Variants in ZNF175 observed in about 807,000 individuals in gnomAD.
ZNF175 encodes the protein zinc finger protein OTK18.
ZNF175 carries 8 observed loss-of-function variants against 14.0 expected under a neutral mutation model. The ratio of observed to expected loss-of-function variants is 0.57; its 90% CI spans 0.34 to 1.03. ZNF175 has a LOEUF of 1.03. Ranked by LOEUF, ZNF175 falls within the 50% of genes least tolerant of loss-of-function variation. ZNF175 has a pLI of 0.03. For synonymous variants in ZNF175, 255 were observed against 296.8 expected (o/e 0.86, Z 1.45); for missense variants, 764 against 849.5 (o/e 0.90, Z 1.25).
intron 4 of ZNF175, among the ~76,000 whole-genome samples, chr19:51,585,930 A>C (rs1393820245): frequency 6.6e-6 from 1 of 152,194 alleles, no homozygotes; most frequent in African/African-American, 2.4e-5. Flanking sequence ...TATATTCCTA[A>C]GTTCAAGAAA....
At chr19:51,582,572 T>C (rs895790236) in intron 4 of ZNF175, among the ~76,000 whole-genome samples, 3 of 152,132 alleles carry the variant, frequency 2.0e-5, no homozygotes, top group Non-Finnish European at 4.4e-5. Context: ...GCTGGAATTA[T>C]AGGCGTGAGC....
rs1047113603 is a variant in ZNF175, at chr19:51,589,424, G to A, written c.*957G>A. The stretch of plus-strand genomic sequence containing the variant: ...CCCTATTGAATATTTATATAATGAG[G>A]TTGTATCAACAATGATTAACTCCTT... On this transcript the variant is annotated 3_prime_UTR_variant, in exon 5 of 5. Coordinates refer to ENST00000262259, the MANE Select transcript of ZNF175 (RefSeq NM_007147.4). The A allele has an allele frequency of 5.0e-6, 3 of 594,964 alleles. No individual in the cohort carries two copies. The African/African-American group carries it at 5.6e-5, about 11-fold the overall frequency. 36.9% of individuals were successfully genotyped at this position (594,964 alleles called of 1,614,324 possible).
intron 4 of ZNF175, 127 bp downstream of exon 4, chr19:51,582,009 C>T (rs1408042252): frequency 9.9e-6 from 8 of 810,164 alleles, no homozygotes; most frequent in Middle Eastern, 4.6e-4. Context: ...CCCAGTTTCC[C>T]ATCAAACACT....
At position 51,589,374 on chromosome 19, in the gene ZNF175, T is replaced by C. The variant is rs1982283137; in HGVS notation, c.*907T>C. ...TGAGTTATTTTTTAAGAGAATCTAA[T>C]CTAATTGTTTTTATAAAAATTATTC... On this transcript the variant is annotated 3_prime_UTR_variant, in exon 5 of 5. Coordinates refer to ENST00000262259, the MANE Select transcript of ZNF175 (RefSeq NM_007147.4). 3.4e-6 allele frequency: 2 copies of C among 584,988 alleles called. No homozygotes were observed. The highest frequency in any genetic ancestry group is 6.0e-6 in the Non-Finnish European group (2 of 331,966). 36.2% of individuals were successfully genotyped at this position (584,988 alleles called of 1,614,324 possible).
rs1377426567 is a variant in ZNF175 at position 51,587,677 on chromosome 19, G to A, written c.1346G>A (p.Cys449Tyr). 1.9e-6 allele frequency: 3 copies of A among 1,613,942 alleles called. No individual in the cohort carries two copies. Among genetic ancestry groups the A allele is most frequent in the Non-Finnish European group, 1.7e-6 (2 of 1,180,020 alleles). ...RIHSGQKSYV[C>Y]IECGQAFIQK... ...CACTCAGGGCAGAAGTCCTATGTGTGTATCGAATGCGGGCAGGCCTTCATC... is the reference window on the plus strand; with the variant it reads ...CACTCAGGGCAGAAGTCCTATGTGTATATCGAATGCGGGCAGGCCTTCATC... The change falls in exon 5 of 5, where the codon TGT becomes TAT. Residue 449 changes from cysteine to tyrosine, a missense_variant. Transcript: ENST00000262259.
rs1982310498 is a variant in ZNF175 at position 51,590,225 on chromosome 19, T to A, written c.*1758T>A. The A allele has an allele frequency of 6.6e-6, 1 of 152,582 alleles. No homozygotes were observed. 9.5% of individuals were successfully genotyped at this position (152,582 alleles called of 1,614,324 possible). ...TCCTGCATTTGATTCCTGGCTCCAC[T>A]CTCTACCCTCTGCATCTGCTGAGCA... On this transcript the variant is annotated 3_prime_UTR_variant, in exon 5 of 5. Coordinates refer to ENST00000262259, the MANE Select transcript of ZNF175 (RefSeq NM_007147.4).
intron 4 of ZNF175, among the ~76,000 whole-genome samples, chr19:51,585,121 C>A (rs1160892493): frequency 6.6e-6 from 1 of 152,132 alleles, no homozygotes; most frequent in East Asian, 1.9e-4. Context: ...TCTATACATA[C>A]AATGAAATAT....
Position 51,586,697 on chromosome 19 carries a change from A to G in ZNF175, c.366A>G (p.Val122=). 4 of 1,614,130 alleles carry G rather than the reference A, an allele frequency of 2.5e-6. No individual in the cohort carries two copies. Among genetic ancestry groups the G allele is most frequent in the Non-Finnish European group, 3.4e-6 (4 of 1,179,992 alleles). The part of the protein sequence containing the change: ...SKKASFQKDM[V]GEFTRDGSWC... The stretch of plus-strand genomic sequence containing the variant: ...AAGCTTCATTTCAAAAGGATATGGT[A>G]GGTGAGTTCACAAGAGATGGTTCAT... The change falls in exon 5 of 5, where the codon GTA becomes GTG. Residue 122 remains valine (V), a synonymous_variant. Coordinates refer to ENST00000262259, the MANE Select transcript of ZNF175 (RefSeq NM_007147.4).
intron 2 of ZNF175, among the ~76,000 whole-genome samples, chr19:51,576,590 G>A (rs1242363508): frequency 6.6e-6 from 1 of 152,204 alleles, no homozygotes; most frequent in Non-Finnish European, 1.5e-5. Context: ...TGGGATTGAA[G>A]GCAGGCAGTT....
At position 51,589,881 on chromosome 19, in the gene ZNF175, A is replaced by G. The variant is rs1982300413; in HGVS notation, c.*1414A>G. The G allele has an allele frequency of 2.1e-6, 1 of 474,486 alleles. No homozygotes were observed. Among genetic ancestry groups the G allele is most frequent in the Non-Finnish European group, 3.8e-6 (1 of 265,404 alleles). The allele number at this position is 474,486 out of a possible 1,614,324, so 29.4% of individuals were successfully genotyped here. ...ATGTTTGCCAGCACATGATACACAC[A>G]CAAACACACACACATACACACATAT... On this transcript the variant is annotated 3_prime_UTR_variant, in exon 5 of 5. Transcript: ENST00000262259.
Position 51,592,042 on chromosome 19 carries a change from C to CT in ZNF175, c.*3580dup, listed in dbSNP as rs1221603445. ...CTCGGCCTCCCAAAGTGCCCATGAC[C>CT]TTTTTATTGTTGGGCAGTGAAAGCC... On this transcript the variant is annotated 3_prime_UTR_variant, in exon 5 of 5. Transcript: ENST00000262259. The CT allele has an allele frequency of 1.3e-5, 2 of 152,202 alleles. No homozygotes were observed. The highest frequency in any genetic ancestry group is 2.4e-5 in the African/African-American group (1 of 41,358). 9.4% of individuals were successfully genotyped at this position (152,202 alleles called of 1,614,324 possible).
At position 51,577,870 on chromosome 19, in the gene ZNF175, A is replaced by G. The variant is rs567499387; in HGVS notation, c.73-3521A>G. ...AGTAGAGATGGGGTTTCACCGTGTT[A>G]GCCAGGATGGTCTCAATCTCCTGAC... is the stretch of plus-strand genomic sequence containing the variant. On this transcript the variant is annotated intron_variant, in intron 2 of 4. Coordinates refer to ENST00000262259, the MANE Select transcript of ZNF175 (RefSeq NM_007147.4). 4.2e-4 allele frequency among the ~76,000 whole-genome samples: 63 copies of G among 151,174 alleles called. 1 individual carries two copies. The highest frequency in any genetic ancestry group is 1.9e-3 in the South Asian group (9 of 4,774).
chr19:51,577,204 T>C (rs1291426281), intron 2 of ZNF175, among the ~76,000 whole-genome samples: 1 of 152,218 alleles, frequency 6.6e-6, no homozygotes, highest in African/African-American at 2.4e-5. Flanking sequence ...ATGACTTGAT[T>C]TACCCTCACA....
chr19:51,572,602 C>T (rs1209036414), intron 1 of ZNF175, among the ~76,000 whole-genome samples: 8 of 152,128 alleles, frequency 5.3e-5, no homozygotes, highest in Admixed American at 2.0e-4. Flanking sequence ...AAGCTGGCCA[C>T]GTATGGGTAC....
rs1160194403 is a variant in ZNF175 at position 51,587,390 on chromosome 19, C to G, written c.1059C>G (p.His353Gln). 6.2e-7 allele frequency: 1 copy of G among 1,613,878 alleles called. No homozygotes were observed. The highest frequency in any genetic ancestry group is 1.3e-5 in the African/African-American group (1 of 74,866). Reference protein sequence around the residue: ...VFIQRSELLTHQKTHTRKKPY... With the variant: ...VFIQRSELLTQQKTHTRKKPY... ...TTCAGAGATCAGAATTGCTTACGCA[C>G]CAGAAAACACACACTAGAAAGAAGC... The change falls in exon 5 of 5, where the codon CAC becomes CAG. Residue 353 changes from histidine to glutamine, a missense_variant. By Grantham distance (24) the His-to-Gln change is conservative. Coordinates refer to ENST00000262259, the MANE Select transcript of ZNF175 (RefSeq NM_007147.4).
chr19:51,573,310 A>G lies in ZNF175; in HGVS notation c.-20A>G. 1 of 1,612,530 alleles carries G rather than the reference A, an allele frequency of 6.2e-7. No homozygotes were observed. The highest frequency in any genetic ancestry group is 1.1e-5 in the South Asian group (1 of 90,848). ...GGAGTTGTCAGCAAGAGAGACCGAGAGTAGAAGCCCAGAGTGGAGATGCCT... is the reference window on the plus strand; with the variant it reads ...GGAGTTGTCAGCAAGAGAGACCGAGGGTAGAAGCCCAGAGTGGAGATGCCT... On this transcript the variant is annotated 5_prime_UTR_variant, in exon 2 of 5. Coordinates refer to ENST00000262259, the MANE Select transcript of ZNF175 (RefSeq NM_007147.4).
chr19:51,588,103 A>T lies in ZNF175; in HGVS notation c.1772A>T (p.Glu591Val). The change falls in exon 5 of 5, where the codon GAA becomes GTA. Residue 591 changes from glutamate (E) to valine (V), a missense_variant. Glu to Val is a moderately radical substitution (Grantham distance 121). Coordinates refer to ENST00000262259, the MANE Select transcript of ZNF175 (RefSeq NM_007147.4). ...HTGEKPYVCTECGKAFNGRSN... is the reference protein window; with the variant it reads ...HTGEKPYVCTVCGKAFNGRSN... ...GGTGAGAAACCCTATGTGTGCACTG[A>T]ATGTGGGAAGGCCTTCAACGGCAGG... 6.2e-7 allele frequency: 1 copy of T among 1,614,210 alleles called. No homozygotes were observed. Among genetic ancestry groups the T allele is most frequent in the Non-Finnish European group, 8.5e-7 (1 of 1,180,014 alleles).
chr19:51,587,751 C>G lies in ZNF175; in HGVS notation c.1420C>G (p.Pro474Ala), dbSNP rs776817469. Residue 474 changes from proline to alanine, a missense_variant, in exon 5 of 5, where the codon CCT becomes GCT. By Grantham distance (27) the Pro-to-Ala change is conservative (BLOSUM62 -1). Transcript: ENST00000262259. ...VHQRSHTGEK[P>A]YQCHNCGKSF... ...TCAAAGAAGCCACACAGGAGAAAAA[C>G]CTTATCAGTGCCACAACTGTGGGAA... The G allele has an allele frequency of 5.0e-6, 8 of 1,614,164 alleles. No individual in the cohort carries two copies. The highest frequency in any genetic ancestry group is 3.3e-4 in the Middle Eastern group (2 of 6,062).
rs1982226044 is a variant in ZNF175 at position 51,587,942 on chromosome 19, GA to G, written c.1614del (p.Ala539ProfsTer69). On this transcript the variant is annotated frameshift_variant, in exon 5 of 5. Transcript: ENST00000262259. LOFTEE classifies it low-confidence loss of function (END_TRUNC). ...GACACCATGTATGCAGTGAATGCGG[GA>G]AAGCCTTCAACCAGAAGTCAATACT... The part of the protein sequence containing the change: ...ERHHVCSECG[K>X]AFNQKSILSM... The G allele has an allele frequency of 2.5e-6, 4 of 1,613,954 alleles. No individual in the cohort carries two copies. The Admixed American group carries it at 6.7e-5, about 27-fold the overall frequency.
Sources: allele counts gnomAD v4.1 joint callset (sites outside exome capture counted in the v4.1 genomes callset), GRCh38; gene constraint gnomAD v4.1.1; transcripts MANE v1.5; gene names NCBI Gene and HGNC (gene_info 2026-07-23, HGNC 2026-07-21).